The following TYRO3 variants were observed in gnomAD, a reference collection of about 807,000 sequenced individuals.
TYRO3 encodes the protein TYRO3 protein tyrosine kinase.
Under a neutral mutation model 95.2 loss-of-function variants are expected in TYRO3, and 38 were observed. The ratio of observed to expected loss-of-function variants is 0.40; its 90% CI spans 0.31 to 0.52. TYRO3 has a LOEUF of 0.52. Ranked by LOEUF, TYRO3 falls within the 20% of genes least tolerant of loss-of-function variation. TYRO3 has a pLI of 0.56. For missense variants in TYRO3, 812 were observed against 1,116.4 expected, an observed-to-expected ratio of 0.73 and a Z score of 3.89; for synonymous variants, 367 against 432.9, an observed-to-expected ratio of 0.85 and a Z score of 1.89.
intron 1 of TYRO3, among the ~76,000 whole-genome samples, chr15:41,560,629 C>G (rs938003895): frequency 6.6e-6 from 1 of 152,144 alleles, no homozygotes; most frequent in Non-Finnish European, 1.5e-5. Flanking sequence ...TTTGATCTGA[C>G]GTGGTTTTGC....
rs1018753942 is a variant in TYRO3, at chr15:41,569,887, T to C, written c.1253-140T>C. ...ACCAGGTAGGAAGGACTCTTAGGCA[T>C]TCCTCTGGAGCCCCTTTCCCTCAGG... On this transcript the variant is annotated intron_variant, in intron 9 of 18. Coordinates refer to ENST00000263798, the MANE Select transcript of TYRO3 (RefSeq NM_006293.4). 9.2e-6 allele frequency: 10 copies of C among 1,086,182 alleles called. No individual in the cohort carries two copies. In the African/African-American group the frequency reaches 1.6e-4, roughly 17 times the overall value. 67.3% of individuals were successfully genotyped at this position (1,086,182 alleles called of 1,614,324 possible).
intron 13 of TYRO3, 62 bp downstream of exon 13, chr15:41,571,180 C>T: frequency 1.3e-6 from 2 of 1,521,120 alleles, no homozygotes; most frequent in South Asian, 2.3e-5. Context: ...GGCGACTGAC[C>T]CTGAAGCAGG....
chr15:41,577,723 A>G (rs1482515090), intron 18 of TYRO3, 163 bp from the exon 19 acceptor site: 3 of 667,134 alleles, frequency 4.5e-6, no homozygotes, highest in Non-Finnish European at 7.4e-6. Flanking sequence ...CTGGGCTCAA[A>G]TAATACCCCC....
At chr15:41,561,082 C>G (rs576186088) in intron 1 of TYRO3, 45 bp from the exon 2 acceptor site, 12 of 1,608,516 alleles carry the variant, frequency 7.5e-6, no homozygotes, top group Non-Finnish European at 1.0e-5. Context: ...TTTACAGAGA[C>G]AGAGTCCCTC....
chr15:41,567,625 A>G, intron 7 of TYRO3, 88 bp downstream of exon 7: 1 of 1,238,524 alleles, frequency 8.1e-7, no homozygotes, highest in Non-Finnish European at 1.1e-6. Flanking sequence ...GTGCTGGTAG[A>G]GATGGAGGTT....
At chr15:41,566,356 C>T (rs1305548190) in intron 6 of TYRO3, among the ~76,000 whole-genome samples, 2 of 144,708 alleles carry the variant, frequency 1.4e-5, no homozygotes, top group African/African-American at 5.1e-5. Context: ...AAAAGAGGAT[C>T]CTACTCTGGC....
rs762837448 is a variant in TYRO3, at chr15:41,578,091, G to A, written c.2488G>A (p.Gly830Arg). Residue 830 changes from glycine to arginine, a missense_variant, in exon 19 of 19, where the codon GGG (glycine) becomes AGG (arginine). Gly to Arg is a moderately radical substitution (Grantham distance 125). Transcript: ENST00000263798. ...ELPGRDQPYS[G>R]AGDGSGMGAV... is the part of the protein sequence containing the mutation. The stretch of plus-strand genomic sequence containing the variant: ...ACCTGGCAGGGATCAGCCCTACAGT[G>A]GGGCTGGGGATGGCAGTGGCATGGG... 21 of 1,614,016 alleles carry A rather than the reference G, an allele frequency of 1.3e-5. No homozygotes were observed. In the South Asian group the frequency reaches 2.1e-4, roughly 16 times the overall value.
intron 4 of TYRO3, 82 bp downstream of exon 4, chr15:41,562,800 A>G: frequency 7.0e-7 from 1 of 1,437,356 alleles, no homozygotes; most frequent in East Asian, 2.5e-5. Context: ...TCAGCCACTG[A>G]GCTTGCGGTT....
In TYRO3 at chr15:41,583,204, G is replaced by C. The variant is rs2055940406; in HGVS notation, c.*4928G>C. The C allele has an allele frequency of 6.6e-6, 1 of 151,928 alleles. No homozygotes were observed. The highest frequency in any genetic ancestry group is 2.4e-5 in the African/African-American group (1 of 41,318). The allele number at this position is 151,928 out of a possible 1,614,324, so 9.4% of individuals were successfully genotyped here. ...GTAGAGACAGGGTTTCACCATGTTAGCCAGGATGGTCTCGATCTCCTGACC... is the reference window on the plus strand; with the variant it reads ...GTAGAGACAGGGTTTCACCATGTTACCCAGGATGGTCTCGATCTCCTGACC... On this transcript the variant is annotated 3_prime_UTR_variant, in exon 19 of 19. Coordinates refer to ENST00000263798, the MANE Select transcript of TYRO3 (RefSeq NM_006293.4).
At position 41,573,736 on chromosome 15, in the gene TYRO3, G is replaced by A. The variant is rs765301022; in HGVS notation, c.2203G>A (p.Gly735Ser). ...GACACGTGGGCAGACGCCATATGCT[G>A]GCATCGAAAACGCTGAGATTTACAA... is the stretch of plus-strand genomic sequence containing the variant. ...IMTRGQTPYA[G>S]IENAEIYNYL... Residue 735 changes from glycine (G) to serine (S), a missense_variant, in exon 18 of 19, where the codon GGC (glycine) becomes AGC (serine). Coordinates refer to ENST00000263798, the MANE Select transcript of TYRO3 (RefSeq NM_006293.4). 1 of 1,614,258 alleles carries A rather than the reference G, an allele frequency of 6.2e-7. No individual in the cohort carries two copies. Among genetic ancestry groups the A allele is most frequent in the Admixed American group, 1.7e-5 (1 of 60,026 alleles).
rs138865055 is a variant in TYRO3, at chr15:41,582,236, C to G, written c.*3960C>G. The G allele has an allele frequency of 1.3e-5, 2 of 152,048 alleles. No individual in the cohort carries two copies. The highest frequency in any genetic ancestry group is 2.4e-5 in the African/African-American group (1 of 41,372). 9.4% of individuals were successfully genotyped at this position (152,048 alleles called of 1,614,324 possible). On this transcript the variant is annotated 3_prime_UTR_variant, in exon 19 of 19. Coordinates refer to ENST00000263798, the MANE Select transcript of TYRO3 (RefSeq NM_006293.4). ...TGAGTCTCAAAGAGGCAAGAATGGC[C>G]GGGCATGGTGGCTCACACCCGTAAT...
chr15:41,575,836 A>G (rs2055852635), intron 18 of TYRO3, among the ~76,000 whole-genome samples: 2 of 152,138 alleles, frequency 1.3e-5, no homozygotes, highest in African/African-American at 4.8e-5. Flanking sequence ...CATTCCTGGC[A>G]GGGGACGGTG....
intron 1 of TYRO3, among the ~76,000 whole-genome samples, chr15:41,559,641 C>T (rs909597694): frequency 1.3e-5 from 2 of 152,132 alleles, no homozygotes; most frequent in African/African-American, 2.4e-5. Flanking sequence ...GCTGTGTGGT[C>T]AGCGGGGAGT....
At chr15:41,563,538 T>G (rs1023193) in intron 4 of TYRO3, among the ~76,000 whole-genome samples, 115,733 of 151,894 alleles carry the variant, frequency 0.76, 44,579 homozygotes, top group East Asian at 0.98. Flanking sequence ...AGGCGCTGAG[T>G]TGGAGCAGAT....
At chr15:41,560,699 A>G (rs1196296794) in intron 1 of TYRO3, among the ~76,000 whole-genome samples, 3 of 150,638 alleles carry the variant, frequency 2.0e-5, no homozygotes, top group Non-Finnish European at 2.9e-5. Flanking sequence ...GCCCTGCTCC[A>G]TTTGGTAAGG....
At chr15:41,564,141 G>C (rs2055690842) in intron 4 of TYRO3, 43 bp from the exon 5 acceptor site, 1 of 1,559,546 alleles carries the variant, frequency 6.4e-7, no homozygotes, top group Non-Finnish European at 8.8e-7. Flanking sequence ...CGCACTGAGT[G>C]GGGTTGCTGC....
At chr15:41,571,240 G>A (rs905900140) in intron 13 of TYRO3, 122 bp downstream of exon 13, 8 of 885,248 alleles carry the variant, frequency 9.0e-6, no homozygotes, top group Middle Eastern at 2.7e-4. Context: ...GCACTAACTG[G>A]GATGCTCTTT....
intron 9 of TYRO3, among the ~76,000 whole-genome samples, 168 bp downstream of exon 9, chr15:41,569,190 G>T (rs141382699): frequency 6.3e-4 from 96 of 152,038 alleles, no homozygotes; most frequent in African/African-American, 2.2e-3. Context: ...GGGCATGGTG[G>T]CTCATGCCTG....
In TYRO3 at chr15:41,578,574, A is replaced by T. The variant is rs1166678463; in HGVS notation, c.*298A>T. On this transcript the variant is annotated 3_prime_UTR_variant, in exon 19 of 19. Coordinates refer to ENST00000263798, the MANE Select transcript of TYRO3 (RefSeq NM_006293.4). ...GGGTGGTTATGTTTCCATGGTTACC[A>T]TGGGTGTGGATGGCAGTGTGGGGAG... The T allele has an allele frequency of 2.2e-6, 1 of 452,702 alleles. No homozygotes were observed. The highest frequency in any genetic ancestry group is 3.7e-5 in the Admixed American group (1 of 26,998). 28.0% of individuals were successfully genotyped at this position (452,702 alleles called of 1,614,324 possible). A position where few individuals can be genotyped will look rare whatever the true frequency, so the allele number is the denominator to read the frequency against.
Sources: gnomAD v4.1 joint callset for allele counts (sites outside exome capture counted in the v4.1 genomes callset) on GRCh38, gnomAD v4.1.1 for gene constraint, MANE v1.5 for transcripts, NCBI Gene and HGNC (gene_info 2026-07-23, HGNC 2026-07-21) for gene names.